The following HERC4 variants were observed in gnomAD, a reference collection of about 807,000 sequenced individuals.
The protein encoded by HERC4 is probable E3 ubiquitin-protein ligase HERC4.
HERC4 carries 28 observed loss-of-function variants against 124.3 expected under a neutral mutation model. The observed-to-expected ratio is 0.23, with a 90% CI of 0.17 to 0.31. The LOEUF is 0.31. HERC4 is among the 10% of genes least tolerant of loss of function. HERC4 has a pLI of 1.00. For synonymous variants in HERC4, 407 were observed against 421.5 expected (o/e 0.97, Z 0.42); for missense variants, 713 against 1,229.3 (o/e 0.58, Z 6.28).
At chr10:67,928,550 T>A (rs541875854) in intron 23 of HERC4, among the ~76,000 whole-genome samples, 1 of 152,306 alleles carries the variant, frequency 6.6e-6, no homozygotes, top group Non-Finnish European at 1.5e-5. Flanking sequence ...TCTGTTGCCC[T>A]TAGTCCAACC....
At chr10:67,978,049 G>A (rs1465694311) in intron 15 of HERC4, among the ~76,000 whole-genome samples, 2 of 152,068 alleles carry the variant, frequency 1.3e-5, no homozygotes, top group South Asian at 2.1e-4. Context: ...GGCCAAGGCA[G>A]GCAGATCCTT....
intron 3 of HERC4, among the ~76,000 whole-genome samples, chr10:68,051,526 T>C (rs543440390): frequency 2.0e-5 from 3 of 151,112 alleles, no homozygotes; most frequent in Admixed American, 2.0e-4. Flanking sequence ...TTTTTGGTTT[T>C]TTTTTTGTAT....
Position 67,956,842 on chromosome 10 carries a change from A to T in HERC4, c.2025+36T>A. Reference sequence around the variant, plus strand: ...TACTGTCCAGAAACATCAAAGAAACAATTAAAAAAAAAAACCCTCTCAAAT... The same window carrying T: ...TACTGTCCAGAAACATCAAAGAAACTATTAAAAAAAAAAACCCTCTCAAAT... On this transcript the variant is annotated intron_variant, in intron 17 of 24. Coordinates refer to ENST00000373700, the MANE Select transcript of HERC4 (RefSeq NM_015601.4). 3 of 1,324,246 alleles carry T rather than the reference A, an allele frequency of 2.3e-6. No homozygotes were observed. The South Asian group carries it at 4.0e-5, about 18-fold the overall frequency. The allele number at this position is 1,324,246 out of a possible 1,614,324, so 82.0% of individuals were successfully genotyped here. A position where few individuals can be genotyped will look rare whatever the true frequency, so the allele number is the denominator to read the frequency against.
intron 3 of HERC4, among the ~76,000 whole-genome samples, chr10:68,070,775 A>G (rs2041534532): frequency 6.6e-6 from 1 of 151,600 alleles, no homozygotes; most frequent in Non-Finnish European, 1.5e-5. Flanking sequence ...TTCTGATAAT[A>G]AAAAGCTTTT....
chr10:67,975,601 C>T (rs1300038947), intron 15 of HERC4, among the ~76,000 whole-genome samples: 4 of 152,120 alleles, frequency 2.6e-5, no homozygotes, highest in African/African-American at 7.2e-5. Flanking sequence ...CCACCCACCT[C>T]GGCCTCCCAA....
chr10:67,935,299 C>T (rs1589127901), intron 22 of HERC4, among the ~76,000 whole-genome samples: 2 of 152,066 alleles, frequency 1.3e-5, no homozygotes, highest in Non-Finnish European at 2.9e-5. Context: ...GCACATTCCA[C>T]CACACCTGGC....
chr10:68,010,817 T>C, intron 9 of HERC4: 2 of 1,532,364 alleles, frequency 1.3e-6, no homozygotes, highest in East Asian at 2.3e-5. Context: ...GATCCTCTTC[T>C]GCTTCAGGAG....
intron 3 of HERC4, among the ~76,000 whole-genome samples, chr10:68,065,730 T>G (rs1234224255): frequency 1.3e-5 from 2 of 152,028 alleles, no homozygotes; most frequent in African/African-American, 4.8e-5. Context: ...CATGGTGGCA[T>G]GCACATGTGG....
At chr10:68,064,155 C>T (rs2041177815) in intron 3 of HERC4, among the ~76,000 whole-genome samples, 2 of 151,968 alleles carry the variant, frequency 1.3e-5, no homozygotes, top group Admixed American at 6.6e-5. Context: ...AGGGGAATCG[C>T]TTGAGCCCAG....
intron 19 of HERC4, among the ~76,000 whole-genome samples, chr10:67,949,043 G>A (rs2033599472): frequency 6.6e-6 from 1 of 152,072 alleles, no homozygotes; most frequent in African/African-American, 2.4e-5. Flanking sequence ...CACAAGGTCA[G>A]GAAATCGAGA....
At chr10:67,951,400 C>T (rs550332887) in intron 19 of HERC4, among the ~76,000 whole-genome samples, 11 of 152,286 alleles carry the variant, frequency 7.2e-5, no homozygotes, top group African/African-American at 2.4e-4. Context: ...TACAAAGCCT[C>T]GAAACTCATA....
intron 9 of HERC4, among the ~76,000 whole-genome samples, chr10:68,001,664 A>C (rs1417300222): frequency 1.3e-5 from 2 of 152,196 alleles, no homozygotes; most frequent in African/African-American, 4.8e-5. Flanking sequence ...TATCACCACT[A>C]ATCATTTCTA....
chr10:67,984,690 C>T (rs1473344552), intron 15 of HERC4, among the ~76,000 whole-genome samples: 1 of 152,168 alleles, frequency 6.6e-6, no homozygotes, highest in Admixed American at 6.5e-5. Flanking sequence ...TCAAGCAATT[C>T]TCCTGCCTCA....
intron 23 of HERC4, among the ~76,000 whole-genome samples, chr10:67,928,883 T>G (rs962260345): frequency 6.6e-6 from 1 of 151,902 alleles, no homozygotes; most frequent in Non-Finnish European, 1.5e-5. Context: ...ATTGAGCCAC[T>G]GCACTCCAGC....
At chr10:67,954,790 A>C (rs766829084) in intron 18 of HERC4, 52 bp from the exon 19 acceptor site, 15 of 1,551,646 alleles carry the variant, frequency 9.7e-6, no homozygotes, top group Non-Finnish European at 1.3e-5. Context: ...ATGAAAGTAC[A>C]TTCTGGAGAC....
chr10:67,978,720 C>T (rs1170873921), intron 15 of HERC4, among the ~76,000 whole-genome samples: 1 of 152,176 alleles, frequency 6.6e-6, no homozygotes, highest in East Asian at 1.9e-4. Flanking sequence ...GTGGTGGTAG[C>T]ATCGCCACAG....
chr10:68,046,985 A>AC (rs920862096), intron 3 of HERC4, among the ~76,000 whole-genome samples: 2 of 149,490 alleles, frequency 1.3e-5, no homozygotes, highest in African/African-American at 2.4e-5. Flanking sequence ...AAACAAACAA[A>AC]AAAAAACATG....
chr10:68,043,710 G>A (rs747863345), intron 4 of HERC4, among the ~76,000 whole-genome samples: 1 of 152,108 alleles, frequency 6.6e-6, no homozygotes, highest in Non-Finnish European at 1.5e-5. Flanking sequence ...CAGCTACTCA[G>A]GAGGCTGAGG....
intron 10 of HERC4, 67 bp from the exon 11 acceptor site, chr10:67,992,390 C>A: frequency 6.4e-7 from 1 of 1,552,976 alleles, no homozygotes; most frequent in South Asian, 1.2e-5. Context: ...CCAAGAAATT[C>A]CCACCATATA....
Sources: allele counts gnomAD v4.1 joint callset (sites outside exome capture counted in the v4.1 genomes callset), GRCh38; gene constraint gnomAD v4.1.1; transcripts MANE v1.5; gene names NCBI Gene and HGNC (gene_info 2026-07-23, HGNC 2026-07-21).